CACNA1C: variants seen among roughly 807,000 people sequenced by gnomAD.
CACNA1C encodes the protein calcium voltage-gated channel subunit alpha1 C.
CACNA1C carries 30 observed loss-of-function variants against 229.0 expected under a neutral mutation model. The observed-to-expected ratio is 0.13, with a 90% confidence interval of 0.10 to 0.18. The LOEUF (loss-of-function observed/expected upper bound fraction) is 0.18. CACNA1C is among the 10% of genes least tolerant of loss of function. The probability of loss-of-function intolerance (pLI) is 1.00; values close to 1 mark genes in which losing one functional copy is unlikely to be tolerated. For missense variants in CACNA1C, 1,658 were observed against 2,845.0 expected, an observed-to-expected ratio of 0.58 and a Z score of 9.49; for synonymous variants, 1,114 against 1,132.5, an observed-to-expected ratio of 0.98 and a Z score of 0.33.
intron 6 of CACNA1C, among the ~76,000 whole-genome samples, chr12:2,491,204 A>G (rs541453300): frequency 6.6e-6 from 1 of 152,322 alleles, no homozygotes; most frequent in African/African-American, 2.4e-5. Context: ...AAAGCAGATC[A>G]GGTTGCCAGG....
chr12:2,260,493 A>C (rs1230462463), intron 3 of CACNA1C, among the ~76,000 whole-genome samples: 1 of 151,428 alleles, frequency 6.6e-6, no homozygotes, highest in African/African-American at 2.4e-5. Flanking sequence ...AAAAAAAAAA[A>C]AAGAACAAGA....
intron 22 of CACNA1C, chr12:2,603,344 G>A (rs1418552972): frequency 6.6e-6 from 1 of 152,254 alleles, no homozygotes; most frequent in Non-Finnish European, 1.5e-5. Flanking sequence ...GAATAAAAGA[G>A]TCATGCACCA....
chr12:2,429,720 G>A (rs888709527), intron 3 of CACNA1C, among the ~76,000 whole-genome samples: 3 of 152,166 alleles, frequency 2.0e-5, no homozygotes, highest in African/African-American at 4.8e-5. Flanking sequence ...GGTGCTTGGA[G>A]CTATTTGATA....
chr12:2,668,959 G>C lies in CACNA1C; in HGVS notation c.4650G>C (p.Leu1550=). 6.2e-7 allele frequency: 1 copy of C among 1,614,040 alleles called. No homozygotes were observed. The highest frequency in any genetic ancestry group is 8.5e-7 in the Non-Finnish European group (1 of 1,179,952). ...GCCTGGTCTCCATGAACATGCCTCT[G>C]AACAGCGACGGGACAGTCATGTTCA... ...CKRLVSMNMP[L]NSDGTVMFNA... Residue 1550 remains leucine, a synonymous_variant, in exon 38 of 47, where the codon CTG becomes CTC. Coordinates refer to ENST00000399655, the MANE Select transcript of CACNA1C (RefSeq NM_000719.7).
rs763760402 is a variant in CACNA1C at position 2,115,342 on chromosome 12, C to T, written c.168C>T (p.Ile56=). The T allele has an allele frequency of 1.6e-5, 25 of 1,585,428 alleles. No homozygotes were observed. Among genetic ancestry groups the T allele is most frequent in the East Asian group, 2.3e-5 (1 of 42,808 alleles). ...CTGCCCTGTCGTGGCAGGCGGCCATCGACGCAGCCCGGCAGGCTAAGCTGA... is the reference window on the plus strand; with the variant it reads ...CTGCCCTGTCGTGGCAGGCGGCCATTGACGCAGCCCGGCAGGCTAAGCTGA... ...PGAALSWQAA[I]DAARQAKLMG... is the part of the protein sequence containing the mutation. Residue 56 remains isoleucine, a synonymous_variant, in exon 2 of 47, where the codon ATC becomes ATT. Coordinates refer to ENST00000399655, the MANE Select transcript of CACNA1C (RefSeq NM_000719.7).
intron 3 of CACNA1C, among the ~76,000 whole-genome samples, chr12:2,370,200 A>G (rs1368369133): frequency 1.3e-5 from 2 of 152,208 alleles, no homozygotes; most frequent in African/African-American, 2.4e-5. Context: ...ACACAGATTA[A>G]AAAAATACAT....
intron 3 of CACNA1C, among the ~76,000 whole-genome samples, chr12:2,424,426 A>G (rs915709322): frequency 2.6e-5 from 4 of 152,180 alleles, no homozygotes; most frequent in African/African-American, 4.8e-5. Flanking sequence ...GTGTGAGGAC[A>G]TGGTTATTTT....
intron 1 of CACNA1C, among the ~76,000 whole-genome samples, chr12:2,097,281 G>T (rs935370039): frequency 3.9e-5 from 6 of 152,074 alleles, no homozygotes; most frequent in Admixed American, 6.5e-5. Context: ...GTGTAGCTGG[G>T]ACTACAGGCG....
chr12:2,020,689 G>A (rs2046289761), intron 1 of CACNA1C, among the ~76,000 whole-genome samples: 1 of 152,112 alleles, frequency 6.6e-6, no homozygotes. Flanking sequence ...GGCCATGGGA[G>A]GAATAAAATT....
At chr12:2,480,390 C>T (rs765586500) in intron 5 of CACNA1C, among the ~76,000 whole-genome samples, 4 of 152,210 alleles carry the variant, frequency 2.6e-5, no homozygotes, top group African/African-American at 4.8e-5. Context: ...GGAGGACCCT[C>T]GTGGTACCCT....
chr12:2,336,509 C>T (rs1306527500), intron 3 of CACNA1C, among the ~76,000 whole-genome samples: 1 of 152,048 alleles, frequency 6.6e-6, no homozygotes, highest in Non-Finnish European at 1.5e-5. Flanking sequence ...GTCTGGCTGC[C>T]CAGAGATATG....
At chr12:2,151,169 T>C (rs1388177924) in intron 3 of CACNA1C, among the ~76,000 whole-genome samples, 1 of 152,332 alleles carries the variant, frequency 6.6e-6, no homozygotes, top group Non-Finnish European at 1.5e-5. Flanking sequence ...AATCAATGTT[T>C]ATGGATCATT....
At chr12:2,032,762 C>T (rs991310366) in intron 1 of CACNA1C, among the ~76,000 whole-genome samples, 8 of 152,174 alleles carry the variant, frequency 5.3e-5, no homozygotes, top group African/African-American at 1.4e-4. Flanking sequence ...CTTCATATTC[C>T]GTATTCCTGA....
intron 3 of CACNA1C, among the ~76,000 whole-genome samples, chr12:2,371,393 C>T (rs1054878736): frequency 2.6e-5 from 4 of 152,138 alleles, no homozygotes; most frequent in Non-Finnish European, 4.4e-5. Flanking sequence ...AGAAAGAAGG[C>T]GTTGAAGGGG....
intron 3 of CACNA1C, chr12:2,221,669 G>A (rs2061498699): frequency 6.6e-6 from 1 of 152,164 alleles, no homozygotes; most frequent in Non-Finnish European, 1.5e-5. Context: ...CATTTCTTTT[G>A]GTTCAGCAAG....
At chr12:2,145,228 T>C (rs1004219871) in intron 3 of CACNA1C, among the ~76,000 whole-genome samples, 1 of 151,052 alleles carries the variant, frequency 6.6e-6, no homozygotes, top group Admixed American at 6.7e-5. Context: ...TTTATTTTTA[T>C]TTTTGTAAAA....
chr12:2,429,035 A>G (rs920051793), intron 3 of CACNA1C, among the ~76,000 whole-genome samples: 5 of 152,100 alleles, frequency 3.3e-5, no homozygotes, highest in Non-Finnish European at 5.9e-5. Flanking sequence ...TTCTCTAGGG[A>G]GAATCTGTTC....
At position 2,629,779 on chromosome 12, in the gene CACNA1C, T is replaced by C. The variant is rs1274060610; in HGVS notation, c.3829-4518T>C. Among the ~76,000 whole-genome samples, 14 of 152,258 alleles carry C rather than the reference T, an allele frequency of 9.2e-5. 1 individual carries two copies. Among genetic ancestry groups the C allele is most frequent in the Admixed American group, 5.9e-4 (9 of 15,294 alleles). On this transcript the variant is annotated intron_variant, in intron 29 of 46. Coordinates refer to ENST00000399655, the MANE Select transcript of CACNA1C (RefSeq NM_000719.7). Reference sequence around the variant, plus strand: ...AGAAAATCCACAATTCTCGTGCATGTGAAATGCATCCTATGATGCTTTTGC... The same window carrying C: ...AGAAAATCCACAATTCTCGTGCATGCGAAATGCATCCTATGATGCTTTTGC...
chr12:2,529,791 G>C (rs10848670), intron 9 of CACNA1C, among the ~76,000 whole-genome samples: 52,728 of 152,068 alleles, frequency 0.35, 10,444 homozygotes, highest in African/African-American at 0.54. Flanking sequence ...CTTCAAACCT[G>C]TCCACGGAAG....
Sources: allele counts gnomAD v4.1 joint callset (sites outside exome capture counted in the v4.1 genomes callset), GRCh38; gene constraint gnomAD v4.1.1; transcripts MANE v1.5; gene names NCBI Gene and HGNC (gene_info 2026-07-23, HGNC 2026-07-21).